The following ARHGAP10 variants were observed in gnomAD, a reference collection of about 807,000 sequenced individuals.
The protein encoded by ARHGAP10 is rho GTPase-activating protein 10.
In ARHGAP10, 87 loss-of-function variants were observed where a neutral mutation model predicts 108.6. The observed-to-expected ratio is 0.80, with a 90% CI of 0.67 to 0.96. The LOEUF is 0.96. Ranked by LOEUF, ARHGAP10 falls within the 40% of genes least tolerant of loss-of-function variation. The pLI is 0.00. For synonymous variants in ARHGAP10, 347 were observed against 341.1 expected, an observed-to-expected ratio of 1.02 and a Z score of -0.19; for missense variants, 939 against 954.5, an observed-to-expected ratio of 0.98 and a Z score of 0.21.
chr4:147,942,810 G>A (rs1738209709), intron 14 of ARHGAP10, among the ~76,000 whole-genome samples: 1 of 152,240 alleles, frequency 6.6e-6, no homozygotes, highest in Non-Finnish European at 1.5e-5. Context: ...CCCTCTGGGA[G>A]CCTAAGGCAG....
chr4:148,022,749 T>G (rs1406943337), intron 18 of ARHGAP10, among the ~76,000 whole-genome samples: 1 of 152,200 alleles, frequency 6.6e-6, no homozygotes, highest in Non-Finnish European at 1.5e-5. Context: ...AGAAAACATT[T>G]TATGAAAAAT....
chr4:147,922,670 A>G (rs1182526982), intron 13 of ARHGAP10, among the ~76,000 whole-genome samples: 13 of 138,916 alleles, frequency 9.4e-5, no homozygotes, highest in Non-Finnish European at 1.7e-4. Context: ...CCTGGGCGAC[A>G]GAGCGAGACT....
chr4:147,963,205 C>T (rs912173598), intron 16 of ARHGAP10, among the ~76,000 whole-genome samples: 1 of 152,134 alleles, frequency 6.6e-6, no homozygotes, highest in Non-Finnish European at 1.5e-5. Flanking sequence ...CTATCTATAC[C>T]CTCGAAGAGC....
chr4:147,976,994 T>C (rs530119938), intron 18 of ARHGAP10, among the ~76,000 whole-genome samples: 1 of 152,304 alleles, frequency 6.6e-6, no homozygotes, highest in Admixed American at 6.5e-5. Context: ...TTTATAATAA[T>C]GAGAACATGT....
chr4:147,995,496 A>G (rs1740438745), intron 18 of ARHGAP10, among the ~76,000 whole-genome samples: 2 of 152,182 alleles, frequency 1.3e-5, no homozygotes, highest in Non-Finnish European at 2.9e-5. Flanking sequence ...ACCGTATATT[A>G]TGTTTTCCTT....
At chr4:147,882,453 A>T (rs918268630) in intron 10 of ARHGAP10, among the ~76,000 whole-genome samples, 21 of 79,576 alleles carry the variant, frequency 2.6e-4, no homozygotes, top group Non-Finnish European at 5.1e-4. Context: ...ACAGAGTGAG[A>T]CTCCGTTTCA....
intron 22 of ARHGAP10, among the ~76,000 whole-genome samples, chr4:148,071,137 A>C (rs886840753): frequency 6.6e-6 from 1 of 152,204 alleles, no homozygotes; most frequent in Admixed American, 6.5e-5. Flanking sequence ...TACCTGGTGA[A>C]GAGGTGGGGG....
intron 18 of ARHGAP10, among the ~76,000 whole-genome samples, chr4:148,018,022 G>T (rs1438100457): frequency 1.3e-5 from 2 of 152,080 alleles, no homozygotes; most frequent in Non-Finnish European, 2.9e-5. Flanking sequence ...TTCTGTTTGT[G>T]CTGGCACTCT....
chr4:147,925,687 A>G (rs1274967402), intron 13 of ARHGAP10, among the ~76,000 whole-genome samples: 2 of 152,154 alleles, frequency 1.3e-5, no homozygotes, highest in Non-Finnish European at 1.5e-5. Flanking sequence ...CAGAGATTTT[A>G]CTCTACTTTC....
intron 18 of ARHGAP10, among the ~76,000 whole-genome samples, chr4:147,971,179 C>A: frequency 6.6e-6 from 1 of 151,824 alleles, no homozygotes; most frequent in African/African-American, 2.4e-5. Flanking sequence ...ATTTTATTTC[C>A]CAGGTGGCAA....
At chr4:147,873,138 C>T (rs1428233496) in intron 7 of ARHGAP10, among the ~76,000 whole-genome samples, 1 of 152,130 alleles carries the variant, frequency 6.6e-6, no homozygotes, top group Non-Finnish European at 1.5e-5. Flanking sequence ...TATTAAATAC[C>T]CTCCACTAAA....
chr4:147,784,996 T>C lies in ARHGAP10; in HGVS notation c.155-37731T>C, dbSNP rs1386615794. The stretch of plus-strand genomic sequence containing the variant: ...ATGTTATATTTTAAAATATATATTA[T>C]GAAATATATGTTATATATTATAAAA... On this transcript the variant is annotated intron_variant, in intron 1 of 22. Transcript: ENST00000336498. Among the ~76,000 whole-genome samples the C allele has an allele frequency of 3.0e-5, 4 of 133,924 alleles. No individual in the cohort carries two copies. In the East Asian group the frequency reaches 8.2e-4, roughly 28 times the overall value. The allele number at this position is 133,924 out of a possible 152,430, so 87.9% of individuals were successfully genotyped here. A position where few individuals can be genotyped will look rare whatever the true frequency, so the allele number is the denominator to read the frequency against.
At position 147,965,023 on chromosome 4, in the gene ARHGAP10, G is replaced by A; in HGVS notation, c.1451-1G>A. The stretch of plus-strand genomic sequence containing the variant: ...CTTTATTATTATTTTTTTTTTGGAA[G>A]AAAGCGGCAGCCCAGAATCTCGTGT... On this transcript the variant is annotated splice_acceptor_variant, in intron 16 of 22. Coordinates refer to ENST00000336498, the MANE Select transcript of ARHGAP10 (RefSeq NM_024605.4). LOFTEE classifies it high-confidence loss of function. 1 of 1,519,208 alleles carries A rather than the reference G, an allele frequency of 6.6e-7. No individual in the cohort carries two copies. The highest frequency in any genetic ancestry group is 8.8e-7 in the Non-Finnish European group (1 of 1,138,660). 94.1% of individuals were successfully genotyped at this position (1,519,208 alleles called of 1,614,324 possible).
At chr4:147,846,842 T>C (rs1185990610) in intron 3 of ARHGAP10, among the ~76,000 whole-genome samples, 1 of 152,240 alleles carries the variant, frequency 6.6e-6, no homozygotes, top group Non-Finnish European at 1.5e-5. Context: ...AAGTGTTCTG[T>C]TAATGAATGT....
At chr4:148,001,264 T>C (rs1740707374) in intron 18 of ARHGAP10, among the ~76,000 whole-genome samples, 1 of 152,200 alleles carries the variant, frequency 6.6e-6, no homozygotes, top group African/African-American at 2.4e-5. Context: ...GTTCTGTTCA[T>C]TGGTCTGTAT....
intron 1 of ARHGAP10, among the ~76,000 whole-genome samples, chr4:147,737,716 A>G (rs899525012): frequency 6.6e-6 from 1 of 152,296 alleles, no homozygotes; most frequent in African/African-American, 2.4e-5. Context: ...GCTGGTCTCC[A>G]GTGTGAATGT....
intron 18 of ARHGAP10, among the ~76,000 whole-genome samples, chr4:148,013,857 G>T (rs971995986): frequency 3.9e-5 from 6 of 152,132 alleles, no homozygotes; most frequent in Non-Finnish European, 5.9e-5. Context: ...ATTTAAGGAA[G>T]ACTCTTTTTT....
chr4:148,054,808 C>A (rs1729292138), intron 20 of ARHGAP10, among the ~76,000 whole-genome samples: 1 of 152,160 alleles, frequency 6.6e-6, no homozygotes, highest in Admixed American at 6.5e-5. Flanking sequence ...AGGTAGCTCA[C>A]CCATTACAAC....
At chr4:147,980,573 C>T (rs761804123) in intron 18 of ARHGAP10, among the ~76,000 whole-genome samples, 3 of 152,004 alleles carry the variant, frequency 2.0e-5, no homozygotes, top group Non-Finnish European at 4.4e-5. Flanking sequence ...GGAAGGATTC[C>T]CTCCTCTATT....
Sources: allele counts gnomAD v4.1 joint callset (sites outside exome capture counted in the v4.1 genomes callset), GRCh38; gene constraint gnomAD v4.1.1; transcripts MANE v1.5; gene names NCBI Gene and HGNC (gene_info 2026-07-23, HGNC 2026-07-21).